Variants in CSMD1 observed in about 807,000 individuals in gnomAD.
CSMD1 encodes the protein CUB and sushi domain-containing protein 1.
A neutral mutation model predicts 417.5 loss-of-function variants in CSMD1; 213 were observed. The observed-to-expected ratio is 0.51, with a 90% CI of 0.46 to 0.57. The LOEUF is 0.57. CSMD1 is among the 20% of genes least tolerant of loss of function. The probability of loss-of-function intolerance (pLI) is 0.00; values close to 1 mark genes in which losing one functional copy is unlikely to be tolerated. For missense variants in CSMD1, 6,923 were observed against 4,529.7 expected (o/e 1.53, Z -15.17); for synonymous variants, 2,862 against 1,736.8 (o/e 1.65, Z -16.11).
chr8:3,846,645 C>T (rs7004195), intron 5 of CSMD1, among the ~76,000 whole-genome samples: 10,680 of 152,122 alleles, frequency 0.07, 400 homozygotes, highest in South Asian at 0.081. Context: ...TTTCTTTAGC[C>T]TAAGGATTTA....
intron 41 of CSMD1, among the ~76,000 whole-genome samples, chr8:3,140,080 T>A (rs2129030552): frequency 6.6e-6 from 1 of 152,158 alleles, no homozygotes; most frequent in South Asian, 2.1e-4. Context: ...ATTTTGGTAT[T>A]TTTAGTAGAG....
chr8:3,756,413 A>T (rs1439097018), intron 5 of CSMD1, among the ~76,000 whole-genome samples: 2 of 152,166 alleles, frequency 1.3e-5, no homozygotes, highest in East Asian at 3.9e-4. Flanking sequence ...ATTTTTATAC[A>T]CACAAATATC....
intron 3 of CSMD1, among the ~76,000 whole-genome samples, chr8:4,162,170 G>A (rs1354081502): frequency 6.6e-6 from 1 of 152,150 alleles, no homozygotes; most frequent in African/African-American, 2.4e-5. Flanking sequence ...TTCCCTGCCT[G>A]CTTTGCGCAA....
intron 15 of CSMD1, among the ~76,000 whole-genome samples, chr8:3,404,382 G>T (rs1812226134): frequency 6.6e-6 from 1 of 151,258 alleles, no homozygotes; most frequent in African/African-American, 2.4e-5. Flanking sequence ...GAGTAATGGT[G>T]AGTAACTTCT....
intron 7 of CSMD1, among the ~76,000 whole-genome samples, chr8:3,659,709 T>C (rs944402777): frequency 1.5e-4 from 23 of 152,008 alleles, no homozygotes; most frequent in African/African-American, 5.1e-4. Flanking sequence ...CAAGCTCAAA[T>C]CAGTTCTACA....
chr8:3,983,799 G>C (rs571742377), intron 5 of CSMD1, among the ~76,000 whole-genome samples: 1 of 152,144 alleles, frequency 6.6e-6, no homozygotes, highest in Non-Finnish European at 1.5e-5. Context: ...AGTTCTGATG[G>C]GGCTGTCAAA....
rs564258081 is a variant in CSMD1, at chr8:4,233,326, C to T, written c.415+186627G>A. Among the ~76,000 whole-genome samples, 10 of 152,280 alleles carry T rather than the reference C, an allele frequency of 6.6e-5. No individual in the cohort carries two copies. In the East Asian group the frequency reaches 1.5e-3, roughly 24 times the overall value. The stretch of plus-strand genomic sequence containing the variant: ...TCAAATTTGAATGTTAAAAACCTCT[C>T]TTCATTGACATATTAAAAGTACCTA... On this transcript the variant is annotated intron_variant, in intron 3 of 69. Coordinates refer to ENST00000635120, the MANE Select transcript of CSMD1 (RefSeq NM_033225.6).
chr8:3,177,092 C>G (rs768617941), intron 37 of CSMD1, among the ~76,000 whole-genome samples: 15 of 152,126 alleles, frequency 9.9e-5, no homozygotes, highest in Non-Finnish European at 1.8e-4. Context: ...GACCTCATTT[C>G]TAAAGGACAA....
At chr8:4,934,019 A>G (rs1807434856) in intron 1 of CSMD1, among the ~76,000 whole-genome samples, 1 of 151,956 alleles carries the variant, frequency 6.6e-6, no homozygotes, top group Admixed American at 6.6e-5. Context: ...AAAAAAAATG[A>G]AGGTTTTGAT....
At chr8:3,774,898 C>G (rs902851311) in intron 5 of CSMD1, among the ~76,000 whole-genome samples, 5 of 152,082 alleles carry the variant, frequency 3.3e-5, no homozygotes, top group Non-Finnish European at 7.3e-5. Flanking sequence ...TACACAATGT[C>G]TTTTCAATAT....
chr8:4,745,664 AAC>A (rs1363088360), intron 1 of CSMD1, among the ~76,000 whole-genome samples: 2 of 152,188 alleles, frequency 1.3e-5, no homozygotes, highest in African/African-American at 4.8e-5. Context: ...AGAAAAAGAA[AAC>A]ACAGATTTTA....
chr8:3,729,936 A>C lies in CSMD1; in HGVS notation c.932-21445T>G, dbSNP rs945618096. Among the ~76,000 whole-genome samples the C allele has an allele frequency of 1.3e-3, 51 of 39,348 alleles. 3 individuals are homozygous for C. The highest frequency in any genetic ancestry group is 2.8e-3 in the Non-Finnish European group (37 of 13,414). 25.8% of individuals were successfully genotyped at this position (39,348 alleles called of 152,430 possible). A position where few individuals can be genotyped will look rare whatever the true frequency, so the allele number is the denominator to read the frequency against. ...CCAATTCAAAGTAAAAAAAAAAAAA[A>C]AAAAAAAAAAAAAAAAAAAAAAAAA... On this transcript the variant is annotated intron_variant, in intron 6 of 69. Coordinates refer to ENST00000635120, the MANE Select transcript of CSMD1 (RefSeq NM_033225.6).
chr8:3,837,180 C>T (rs1237853386), intron 5 of CSMD1, among the ~76,000 whole-genome samples: 2 of 152,112 alleles, frequency 1.3e-5, no homozygotes, highest in Non-Finnish European at 2.9e-5. Flanking sequence ...ACATCAGTTT[C>T]ACAGTCTGTG....
chr8:3,640,051 C>G (rs1489440094), intron 7 of CSMD1, among the ~76,000 whole-genome samples: 3 of 152,126 alleles, frequency 2.0e-5, no homozygotes, highest in Non-Finnish European at 2.9e-5. Flanking sequence ...ATGCATTAAT[C>G]TAATTGCATA....
chr8:3,091,054 A>T (rs897699791), intron 48 of CSMD1, among the ~76,000 whole-genome samples: 3 of 152,082 alleles, frequency 2.0e-5, no homozygotes, highest in Non-Finnish European at 2.9e-5. Context: ...GGTTATTTGT[A>T]CAAATATATA....
At chr8:4,196,155 G>C (rs575330808) in intron 3 of CSMD1, among the ~76,000 whole-genome samples, 2 of 152,224 alleles carry the variant, frequency 1.3e-5, no homozygotes, top group Middle Eastern at 3.4e-3. Flanking sequence ...AGCTTGCAGG[G>C]AGCCGAGATC....
intron 3 of CSMD1, among the ~76,000 whole-genome samples, chr8:4,125,494 G>C (rs538543045): frequency 1.3e-5 from 2 of 152,300 alleles, no homozygotes; most frequent in East Asian, 3.9e-4. Flanking sequence ...CGGCCGCACT[G>C]GGTACACGTC....
intron 3 of CSMD1, among the ~76,000 whole-genome samples, chr8:4,297,047 A>G (rs1376986496): frequency 5.3e-5 from 8 of 151,272 alleles, no homozygotes; most frequent in Non-Finnish European, 7.4e-5. Flanking sequence ...TTTTACGCCA[A>G]TAAAAATGGT....
chr8:3,644,966 G>GAAAAAAAAAAAAAAAAAAAAAA (rs71203456), intron 7 of CSMD1, among the ~76,000 whole-genome samples: 1 of 64,522 alleles, frequency 1.5e-5, no homozygotes, highest in African/African-American at 8.0e-5. Flanking sequence ...GGCTTTAAAT[G>GAAAAAAAAAAAAAAAAAAAAAA]AAAAAAAAAA....
Sources: gnomAD v4.1 joint callset for allele counts (sites outside exome capture counted in the v4.1 genomes callset) on GRCh38, gnomAD v4.1.1 for gene constraint, MANE v1.5 for transcripts, NCBI Gene and HGNC (gene_info 2026-07-23, HGNC 2026-07-21) for gene names.